The following FTCDNL1 variants were observed in gnomAD, a reference collection of about 807,000 sequenced individuals.
The protein encoded by FTCDNL1 is formiminotransferase cyclodeaminase N-terminal like.
FTCDNL1 carries 11 observed loss-of-function variants against 5.9 expected under a neutral mutation model. That is an observed-to-expected ratio of 1.87 (90% CI 1.18 to 3.10). FTCDNL1 has a LOEUF of 3.10. FTCDNL1 is among the 30% of genes most tolerant of loss of function. The pLI, the probability that FTCDNL1 is intolerant of heterozygous loss-of-function variation, is 0.00. For synonymous variants in FTCDNL1, 58 were observed against 24.8 expected (o/e 2.34, Z -3.99); for missense variants, 115 against 65.5 (o/e 1.76, Z -2.61).
the FTCDNL1 span, among the ~76,000 whole-genome samples, chr2:199,708,577 AG>A: frequency 6.6e-6 from 1 of 152,148 alleles, no homozygotes; most frequent in East Asian, 1.9e-4. Context: ...AATTATTTCA[AG>A]GTTTGTTCTC....
chr2:199,844,276 AC>A, intron 3 of FTCDNL1: 1 of 422,834 alleles, frequency 2.4e-6, no homozygotes, highest in Middle Eastern at 3.2e-4. Context: ...TTCAAGATCA[AC>A]TTTTCCCGGG....
chr2:199,804,135 T>C (rs961782649), intron 3 of FTCDNL1, among the ~76,000 whole-genome samples: 6 of 152,238 alleles, frequency 3.9e-5, no homozygotes, highest in Non-Finnish European at 8.8e-5. Flanking sequence ...TTATACGTAC[T>C]AGAAACAATA....
chr2:199,788,777 T>TA (rs1226911559), intron 3 of FTCDNL1, among the ~76,000 whole-genome samples: 4 of 151,264 alleles, frequency 2.6e-5, no homozygotes, highest in East Asian at 1.9e-4. Flanking sequence ...AAATGATGTT[T>TA]AAAAAAAAGA....
At chr2:199,697,857 C>G in the FTCDNL1 span, among the ~76,000 whole-genome samples, 3 of 152,138 alleles carry the variant, frequency 2.0e-5, no homozygotes, top group Admixed American at 2.0e-4. Context: ...AGAAGCAAGA[C>G]CCAACTGTAT....
the FTCDNL1 span, among the ~76,000 whole-genome samples, chr2:199,744,538 G>A: frequency 6.6e-6 from 1 of 152,146 alleles, no homozygotes; most frequent in Non-Finnish European, 1.5e-5. Flanking sequence ...AGAGGCCTCA[G>A]GAGAAACCAA....
chr2:199,787,875 G>A (rs1699740224), intron 3 of FTCDNL1, among the ~76,000 whole-genome samples: 1 of 152,078 alleles, frequency 6.6e-6, no homozygotes, highest in Non-Finnish European at 1.5e-5. Context: ...ATACATAAAT[G>A]TATATGAACA....
chr2:199,835,474 G>T (rs1308898747), intron 3 of FTCDNL1, among the ~76,000 whole-genome samples: 1 of 152,178 alleles, frequency 6.6e-6, no homozygotes, highest in African/African-American at 2.4e-5. Flanking sequence ...TGCAGGCTGT[G>T]AGTCTCCCGA....
chr2:199,669,429 C>A, the FTCDNL1 span, among the ~76,000 whole-genome samples: 2 of 152,174 alleles, frequency 1.3e-5, no homozygotes, highest in African/African-American at 4.8e-5. Flanking sequence ...TTCTAGGACC[C>A]TCCCGCCTCT....
At chr2:199,766,629 T>C (rs1390530784) in intron 3 of FTCDNL1, among the ~76,000 whole-genome samples, 2 of 152,202 alleles carry the variant, frequency 1.3e-5, no homozygotes, top group Admixed American at 1.3e-4. Context: ...CTAAGTAAAG[T>C]GTTAAGTATT....
At chr2:199,705,186 A>G in the FTCDNL1 span, among the ~76,000 whole-genome samples, 1 of 152,168 alleles carries the variant, frequency 6.6e-6, no homozygotes, top group East Asian at 1.9e-4. Context: ...TAGACTAGAT[A>G]TGTGGTAAGA....
chr2:199,814,435 C>T (rs2346662), intron 4 of FTCDNL1, among the ~76,000 whole-genome samples: 97,032 of 152,114 alleles, frequency 0.64, 31,189 homozygotes, highest in South Asian at 0.77. Flanking sequence ...ATGGTTATGA[C>T]GTTTCCTTGC....
chr2:199,754,207 C>T, the FTCDNL1 span, among the ~76,000 whole-genome samples: 1 of 152,290 alleles, frequency 6.6e-6, no homozygotes, highest in African/African-American at 2.4e-5. Flanking sequence ...CACTCGGACA[C>T]CCAGAACACA....
At chr2:199,775,879 G>C (rs16824477) in intron 3 of FTCDNL1, among the ~76,000 whole-genome samples, 3,481 of 151,334 alleles carry the variant, frequency 0.023, 51 homozygotes, top group Non-Finnish European at 0.034. Context: ...AGAAACCGGG[G>C]CTCAGAGCAG....
the FTCDNL1 span, among the ~76,000 whole-genome samples, chr2:199,732,002 T>C: frequency 2.6e-5 from 4 of 152,144 alleles, no homozygotes; most frequent in African/African-American, 9.7e-5. Context: ...TTTTTCAAAG[T>C]CTCCAGGAGG....
At chr2:199,737,796 C>T in the FTCDNL1 span, among the ~76,000 whole-genome samples, 1 of 152,176 alleles carries the variant, frequency 6.6e-6, no homozygotes, top group African/African-American at 2.4e-5. Flanking sequence ...TTTCATTTTG[C>T]AGTGGTCCCT....
At chr2:199,754,284 G>A in the FTCDNL1 span, among the ~76,000 whole-genome samples, 2 of 152,192 alleles carry the variant, frequency 1.3e-5, no homozygotes, top group African/African-American at 4.8e-5. Context: ...GTCATGGGAG[G>A]AGCGGAAGGA....
rs576972487 is a variant in FTCDNL1, at chr2:199,824,977, G to A, written c.212-5220C>T. ...TCATGGTGAAACCCCGTCTTTACAA[G>A]AAATACAAAAATTAGCCTGGCATGG... On this transcript the variant is annotated intron_variant, in intron 3 of 4. Transcript: ENST00000420128. Among the ~76,000 whole-genome samples, 22 of 151,738 alleles carry A rather than the reference G, an allele frequency of 1.4e-4. No homozygotes were observed. The South Asian group carries it at 4.6e-3, about 32-fold the overall frequency.
intron 3 of FTCDNL1, among the ~76,000 whole-genome samples, chr2:199,776,916 G>GGATA (rs1553537472): frequency 0.04 from 5,756 of 143,520 alleles, 190 homozygotes; most frequent in Non-Finnish European, 0.064. Flanking sequence ...ATATGTGTAT[G>GGATA]TATATATATA....
chr2:199,777,854 G>C (rs546288817), intron 3 of FTCDNL1, among the ~76,000 whole-genome samples: 1 of 152,174 alleles, frequency 6.6e-6, no homozygotes, highest in East Asian at 1.9e-4. Flanking sequence ...GAGCGTGCAG[G>C]CTTTCTTATC....
Sources: allele counts gnomAD v4.1 joint callset (sites outside exome capture counted in the v4.1 genomes callset), GRCh38; gene constraint gnomAD v4.1.1; transcripts MANE v1.5; gene names NCBI Gene and HGNC (gene_info 2026-07-23, HGNC 2026-07-21).